Variants in CSMD1 observed in about 807,000 individuals in gnomAD.
CSMD1 encodes the protein CUB and sushi domain-containing protein 1.
A neutral mutation model predicts 417.5 loss-of-function variants in CSMD1; 213 were observed. The observed-to-expected ratio is 0.51, with a 90% CI of 0.46 to 0.57. CSMD1 has a LOEUF of 0.57. Among genes scored for constraint, CSMD1 ranks in the 20% least tolerant of loss-of-function variants. The pLI, the probability that CSMD1 is intolerant of heterozygous loss-of-function variation, is 0.00. For synonymous variants in CSMD1, 2,862 were observed against 1,736.8 expected (o/e 1.65, Z -16.11); for missense variants, 6,923 against 4,529.7 (o/e 1.53, Z -15.17).
intron 1 of CSMD1, among the ~76,000 whole-genome samples, chr8:4,738,915 G>GTGTGTGTGTGTGTGTA (rs1373054433): frequency 4.6e-5 from 7 of 152,130 alleles, no homozygotes; most frequent in African/African-American, 1.7e-4. Flanking sequence ...GTGTGTGTGT[G>GTGTGTGTGTGTGTGTA]TGTGTGTATG....
rs915262785 is a variant in CSMD1, at chr8:3,689,981, T to C, written c.1009+18433A>G. 2.6e-5 allele frequency among the ~76,000 whole-genome samples: 4 copies of C among 152,368 alleles called. No homozygotes were observed. The East Asian group carries it at 7.7e-4, about 29-fold the overall frequency. ...AGTGTCACCAGTAAGTACTGACATA[T>C]GCCTAATATTTTAACAAGGTAAGGG... On this transcript the variant is annotated intron_variant, in intron 7 of 69. Transcript: ENST00000635120.
intron 7 of CSMD1, among the ~76,000 whole-genome samples, chr8:3,654,921 G>T (rs1001906937): frequency 6.6e-6 from 1 of 152,176 alleles, no homozygotes; most frequent in African/African-American, 2.4e-5. Flanking sequence ...TTGAGCCAGG[G>T]AGCATCTCAT....
chr8:4,721,824 G>A lies in CSMD1; in HGVS notation c.86-84266C>T, dbSNP rs535833505. On this transcript the variant is annotated intron_variant, in intron 1 of 69. Coordinates refer to ENST00000635120, the MANE Select transcript of CSMD1 (RefSeq NM_033225.6). ...AGAACCTAGGCATCCACCAATGCATGAGTGGAACATGATTCAGCTTTACAA... is the reference window on the plus strand; with the variant it reads ...AGAACCTAGGCATCCACCAATGCATAAGTGGAACATGATTCAGCTTTACAA... 2.6e-5 allele frequency among the ~76,000 whole-genome samples: 4 copies of A among 152,284 alleles called. No homozygotes were observed. In the East Asian group the frequency reaches 5.8e-4, roughly 22 times the overall value.
intron 23 of CSMD1, among the ~76,000 whole-genome samples, chr8:3,327,696 T>G (rs1029978507): frequency 3.9e-5 from 6 of 152,192 alleles, no homozygotes; most frequent in African/African-American, 1.4e-4. Flanking sequence ...CACATACAGA[T>G]TACTTTTAGA....
chr8:3,829,211 A>T (rs773219307), intron 5 of CSMD1, among the ~76,000 whole-genome samples: 1 of 152,002 alleles, frequency 6.6e-6, no homozygotes, highest in Non-Finnish European at 1.5e-5. Context: ...CTCAAAGTCC[A>T]TTGTATCCTT....
At chr8:4,813,812 T>G (rs536165505) in intron 1 of CSMD1, among the ~76,000 whole-genome samples, 108 of 152,206 alleles carry the variant, frequency 7.1e-4, no homozygotes, top group Non-Finnish European at 1.4e-3. Flanking sequence ...CCATCGAATT[T>G]CATCAGATAC....
At chr8:3,182,840 AGGT>A (rs1175519719) in intron 36 of CSMD1, among the ~76,000 whole-genome samples, 1 of 45,202 alleles carries the variant, frequency 2.2e-5, no homozygotes, top group East Asian at 7.4e-4. Context: ...CTTTATAAGA[AGGT>A]GTGTGTGTGT....
intron 3 of CSMD1, among the ~76,000 whole-genome samples, chr8:4,113,470 T>C (rs566867964): frequency 1.2e-4 from 17 of 143,888 alleles, no homozygotes; most frequent in Non-Finnish European, 2.5e-4. Context: ...AATGGTGCAA[T>C]CTTGGCTCAC....
At chr8:4,383,036 G>C (rs1041358493) in intron 3 of CSMD1, among the ~76,000 whole-genome samples, 6 of 152,174 alleles carry the variant, frequency 3.9e-5, no homozygotes, top group African/African-American at 1.2e-4. Flanking sequence ...GAATATTCTG[G>C]TCTCTGTCAG....
intron 1 of CSMD1, among the ~76,000 whole-genome samples, chr8:4,715,346 G>T (rs1045743025): frequency 1.3e-5 from 2 of 152,106 alleles, no homozygotes; most frequent in Non-Finnish European, 2.9e-5. Flanking sequence ...AATTTACAAA[G>T]CAATGCTTCA....
chr8:2,963,177 T>C (rs1371818399), intron 60 of CSMD1, 45 bp downstream of exon 60: 1 of 1,601,272 alleles, frequency 6.2e-7, no homozygotes. Flanking sequence ...TCCGTCCCTG[T>C]TGCAGACCTG....
rs985815211 is a variant in CSMD1, at chr8:3,453,798, G to A, written c.1561+14914C>T. ...AAGAATATATATTCTATTGATTTGGGGGGGATAGTTCTGTAGATGTCTATT... is the reference window on the plus strand; with the variant it reads ...AAGAATATATATTCTATTGATTTGGAGGGGATAGTTCTGTAGATGTCTATT... On this transcript the variant is annotated intron_variant, in intron 12 of 69. Transcript: ENST00000635120. Among the ~76,000 whole-genome samples, 26 of 152,306 alleles carry A rather than the reference G, an allele frequency of 1.7e-4. No homozygotes were observed. The East Asian group carries it at 2.3e-3, about 14-fold the overall frequency.
intron 7 of CSMD1, among the ~76,000 whole-genome samples, chr8:3,657,284 A>G (rs1267042941): frequency 1.3e-5 from 2 of 152,206 alleles, no homozygotes; most frequent in African/African-American, 4.8e-5. Context: ...CAATCTGAAA[A>G]GAAAAACCAG....
At chr8:4,213,734 G>C (rs921954849) in intron 3 of CSMD1, among the ~76,000 whole-genome samples, 4 of 152,212 alleles carry the variant, frequency 2.6e-5, no homozygotes, top group East Asian at 1.9e-4. Flanking sequence ...GAAAGGGTGG[G>C]AATGGGGTAG....
chr8:3,647,059 G>GT (rs1294735423), intron 7 of CSMD1, among the ~76,000 whole-genome samples: 3 of 152,272 alleles, frequency 2.0e-5, no homozygotes, highest in Admixed American at 6.5e-5. Flanking sequence ...GTCAGCTCAG[G>GT]TTTTCTTTTG....
At chr8:4,746,255 T>G (rs892735684) in intron 1 of CSMD1, among the ~76,000 whole-genome samples, 1 of 152,198 alleles carries the variant, frequency 6.6e-6, no homozygotes, top group African/African-American at 2.4e-5. Flanking sequence ...CCAGCCAGAC[T>G]AGATCTTCTT....
intron 3 of CSMD1, among the ~76,000 whole-genome samples, chr8:4,325,021 G>C (rs1017001492): frequency 2.0e-5 from 3 of 152,142 alleles, no homozygotes; most frequent in East Asian, 1.9e-4. Context: ...CATTGAGTGA[G>C]TGCTGCACTG....
chr8:4,384,620 AT>A (rs35436664), intron 3 of CSMD1, among the ~76,000 whole-genome samples: 9 of 151,666 alleles, frequency 5.9e-5, no homozygotes, highest in Admixed American at 2.6e-4. Flanking sequence ...AAAATAGAAG[AT>A]TTTTTTTTGT....
intron 1 of CSMD1, among the ~76,000 whole-genome samples, chr8:4,897,517 A>G (rs1226315662): frequency 6.6e-6 from 1 of 152,064 alleles, no homozygotes; most frequent in Non-Finnish European, 1.5e-5. Flanking sequence ...CTCATATCCT[A>G]TTCGGTGACA....
Sources: gnomAD v4.1 joint callset for allele counts (sites outside exome capture counted in the v4.1 genomes callset) on GRCh38, gnomAD v4.1.1 for gene constraint, MANE v1.5 for transcripts, NCBI Gene and HGNC (gene_info 2026-07-23, HGNC 2026-07-21) for gene names.